SOX4: variants seen among roughly 807,000 people sequenced by gnomAD.
SOX4 encodes SRY-box transcription factor 4, also known as transcription factor SOX-4.
For synonymous variants in SOX4, 465 were observed against 348.4 expected (o/e 1.33, Z -3.73); for missense variants, 662 against 694.9 (o/e 0.95, Z 0.53).
chr6:21,596,680 A>C lies in SOX4; in HGVS notation c.*721A>C, dbSNP rs1763170657. 2.4e-5 allele frequency: 4 copies of C among 167,174 alleles called. No homozygotes were observed. 10.4% of individuals were successfully genotyped at this position (167,174 alleles called of 1,614,324 possible). A position where few individuals can be genotyped will look rare whatever the true frequency, so the allele number is the denominator to read the frequency against. ...GAGGAGATGTTGAGGGGAGGAGGCCAGCCAGTGTGACCGGCGCTAGGAAAT... is the reference window on the plus strand; with the variant it reads ...GAGGAGATGTTGAGGGGAGGAGGCCCGCCAGTGTGACCGGCGCTAGGAAAT... On this transcript the variant is annotated 3_prime_UTR_variant, in exon 1 of 1. Coordinates refer to ENST00000244745, the MANE Select transcript of SOX4 (RefSeq NM_003107.3).
At position 21,595,029 on chromosome 6, in the gene SOX4, CCATGGG is replaced by C. The variant is rs1423621193; in HGVS notation, c.496_501del (p.His166_Gly167del). 18 of 1,454,748 alleles carry C rather than the reference CCATGGG, an allele frequency of 1.2e-5. No homozygotes were observed. The highest frequency in any genetic ancestry group is 1.5e-5 in the Non-Finnish European group (17 of 1,100,804). The allele number at this position is 1,454,748 out of a possible 1,614,324, so 90.1% of individuals were successfully genotyped here. ...AGGTCGGTGGCAGTGGCGGGGGCGGCCATGGGGGCGGCGGCGGCGGCGGGAGCAGCA... is the reference window on the plus strand; with the variant it reads ...AGGTCGGTGGCAGTGGCGGGGGCGGCGGCGGCGGCGGCGGCGGGAGCAGCA... On this transcript the variant is annotated inframe_deletion, in exon 1 of 1. Coordinates refer to ENST00000244745, the MANE Select transcript of SOX4 (RefSeq NM_003107.3).
rs200088857 is a variant in SOX4 at position 21,595,990 on chromosome 6, G to T, written c.*31G>T. 91 of 1,471,052 alleles carry T rather than the reference G, an allele frequency of 6.2e-5. No homozygotes were observed. In the Middle Eastern group the frequency reaches 8.9e-4, roughly 14 times the overall value. 91.1% of individuals were successfully genotyped at this position (1,471,052 alleles called of 1,614,324 possible). A position where few individuals can be genotyped will look rare whatever the true frequency, so the allele number is the denominator to read the frequency against. ...GCGCAGGCAGGGAGAAGGGCCGGGGGGGGTAGGAGAGGAGAAAAAAAAAGT... is the reference window on the plus strand; with the variant it reads ...GCGCAGGCAGGGAGAAGGGCCGGGGTGGGTAGGAGAGGAGAAAAAAAAAGT... On this transcript the variant is annotated 3_prime_UTR_variant, in exon 1 of 1. Coordinates refer to ENST00000244745, the MANE Select transcript of SOX4 (RefSeq NM_003107.3).
rs200398064 is a variant in SOX4, at chr6:21,597,638, CTT to C, written c.*1682_*1683del. Reference sequence around the variant, plus strand: ...TATATTTAAATGTAGACTTTTGACACTTTTAAAAAACAAAAAAAGACAAGAGA... The same window carrying C: ...TATATTTAAATGTAGACTTTTGACACTTAAAAAACAAAAAAAGACAAGAGA... On this transcript the variant is annotated 3_prime_UTR_variant, in exon 1 of 1. Coordinates refer to ENST00000244745, the MANE Select transcript of SOX4 (RefSeq NM_003107.3). The C allele has an allele frequency of 0.016, 2,629 of 161,064 alleles. 33 individuals carry two copies. The highest frequency in any genetic ancestry group is 0.022 in the Non-Finnish European group (1,493 of 67,258). 10.0% of individuals were successfully genotyped at this position (161,064 alleles called of 1,614,324 possible).
rs1414376488 is a variant in SOX4, at chr6:21,596,987, AAAAG to A, written c.*1032_*1035del. 6 of 166,292 alleles carry A rather than the reference AAAAG, an allele frequency of 3.6e-5. No individual in the cohort carries two copies. Among genetic ancestry groups the A allele is most frequent in the Non-Finnish European group, 8.8e-5 (6 of 68,100 alleles). The allele number at this position is 166,292 out of a possible 1,614,324, so 10.3% of individuals were successfully genotyped here. A position where few individuals can be genotyped will look rare whatever the true frequency, so the allele number is the denominator to read the frequency against. ...AAAAAAAAAAAGAAAAAAAGAAAAA[AAAAG>A]AAAAAAAAAAGATTTTTTTCTTCTC... On this transcript the variant is annotated 3_prime_UTR_variant, in exon 1 of 1. Coordinates refer to ENST00000244745, the MANE Select transcript of SOX4 (RefSeq NM_003107.3).
chr6:21,593,838 GTC>G lies in SOX4; in HGVS notation c.-695_-694del, dbSNP rs1160724707. 2 of 152,202 alleles carry G rather than the reference GTC, an allele frequency of 1.3e-5. No individual in the cohort carries two copies. The highest frequency in any genetic ancestry group is 4.8e-5 in the African/African-American group (2 of 41,444). 9.4% of individuals were successfully genotyped at this position (152,202 alleles called of 1,614,324 possible). A position where few individuals can be genotyped will look rare whatever the true frequency, so the allele number is the denominator to read the frequency against. Reference sequence around the variant, plus strand: ...TCTAGTTCTTGCACGCTCTTTAAGAGTCTGCACTGGAGGAACTCCTGCCATTA... The same window carrying G: ...TCTAGTTCTTGCACGCTCTTTAAGAGTGCACTGGAGGAACTCCTGCCATTA... On this transcript the variant is annotated 5_prime_UTR_variant, in exon 1 of 1. Transcript: ENST00000244745.
In SOX4 at chr6:21,594,349, A is replaced by T; in HGVS notation, c.-186A>T. On this transcript the variant is annotated 5_prime_UTR_variant, in exon 1 of 1. Coordinates refer to ENST00000244745, the MANE Select transcript of SOX4 (RefSeq NM_003107.3). ...GAGAGGCGGAGAACTCCTTCCCCAA[A>T]TCTTTTGGGGACTTTTCTCTCTTTA... is the stretch of plus-strand genomic sequence containing the variant. 1 of 620,050 alleles carries T rather than the reference A, an allele frequency of 1.6e-6. No individual in the cohort carries two copies. Among genetic ancestry groups the T allele is most frequent in the Non-Finnish European group, 2.4e-6 (1 of 422,438 alleles). 38.4% of individuals were successfully genotyped at this position (620,050 alleles called of 1,614,324 possible).
At position 21,594,595 on chromosome 6, in the gene SOX4, G is replaced by A; in HGVS notation, c.61G>A (p.Asp21Asn). 4.4e-6 allele frequency: 7 copies of A among 1,609,084 alleles called. No homozygotes were observed. The highest frequency in any genetic ancestry group is 5.9e-6 in the Non-Finnish European group (7 of 1,178,768). Residue 21 changes from aspartate to asparagine, a missense_variant, in exon 1 of 1, where the codon GAC (aspartate) becomes AAC (asparagine). Asp to Asn is a conservative substitution (Grantham distance 23). Coordinates refer to ENST00000244745, the MANE Select transcript of SOX4 (RefSeq NM_003107.3). ...TEALLAGESSDSGAGLELGIA... is the reference protein window; with the variant it reads ...TEALLAGESSNSGAGLELGIA... Reference sequence around the variant, plus strand: ...AGCGCTGCTGGCCGGCGAGAGCTCGGACTCGGGCGCCGGCCTCGAGCTGGG... The same window carrying A: ...AGCGCTGCTGGCCGGCGAGAGCTCGAACTCGGGCGCCGGCCTCGAGCTGGG...
rs775237479 is a variant in SOX4 at position 21,595,418 on chromosome 6, G to A, written c.884G>A (p.Arg295His). ...GKHLAEKKVK[R>H]VYLFGGLGTS... ...CACCTGGCGGAGAAGAAGGTGAAGC[G>A]CGTCTACCTGTTCGGCGGCCTGGGC... Residue 295 changes from arginine (R) to histidine (H), a missense_variant, in exon 1 of 1, where the codon CGC (arginine) becomes CAC (histidine). Coordinates refer to ENST00000244745, the MANE Select transcript of SOX4 (RefSeq NM_003107.3). 1.5e-5 allele frequency: 23 copies of A among 1,527,466 alleles called. No individual in the cohort carries two copies. Among genetic ancestry groups the A allele is most frequent in the Non-Finnish European group, 1.0e-5 (12 of 1,145,206 alleles). The allele number at this position is 1,527,466 out of a possible 1,614,324, so 94.6% of individuals were successfully genotyped here. A position where few individuals can be genotyped will look rare whatever the true frequency, so the allele number is the denominator to read the frequency against.
chr6:21,595,473 C>T lies in SOX4; in HGVS notation c.939C>T (p.Gly313=), dbSNP rs748895232. 9.7e-6 allele frequency: 14 copies of T among 1,446,332 alleles called. No homozygotes were observed. The South Asian group carries it at 2.0e-4, about 20-fold the overall frequency. 89.6% of individuals were successfully genotyped at this position (1,446,332 alleles called of 1,614,324 possible). A position where few individuals can be genotyped will look rare whatever the true frequency, so the allele number is the denominator to read the frequency against. The change falls in exon 1 of 1, where the codon GGC becomes GGT. Residue 313 remains glycine, a synonymous_variant. Transcript: ENST00000244745. ...GTSSSPVGGV[G]AGADPSDPLG... ...CGTCGTCGCCCGTGGGCGGCGTGGG[C>T]GCGGGAGCCGACCCCAGCGACCCCC...
Position 21,595,985 on chromosome 6 carries a change from C to A in SOX4, c.*26C>A. ...AGGGCGCGCAGGCAGGGAGAAGGGC[C>A]GGGGGGGGTAGGAGAGGAGAAAAAA... On this transcript the variant is annotated 3_prime_UTR_variant, in exon 1 of 1. Coordinates refer to ENST00000244745, the MANE Select transcript of SOX4 (RefSeq NM_003107.3). 2.1e-6 allele frequency: 3 copies of A among 1,395,410 alleles called. No individual in the cohort carries two copies. Among genetic ancestry groups the A allele is most frequent in the South Asian group, 1.6e-5 (1 of 63,728 alleles). The allele number at this position is 1,395,410 out of a possible 1,614,324, so 86.4% of individuals were successfully genotyped here. A position where few individuals can be genotyped will look rare whatever the true frequency, so the allele number is the denominator to read the frequency against.
Position 21,595,076 on chromosome 6 carries a change from G to A in SOX4, c.542G>A (p.Gly181Asp), listed in dbSNP as rs1763107681. ...GGGSSNAGGGGGGASGGGANS... is the reference protein window; with the variant it reads ...GGGSSNAGGGDGGASGGGANS... ...GGGAGCAGCAACGCGGGGGGAGGAG[G>A]CGGCGGTGCGAGTGGCGGCGGCGCC... The change falls in exon 1 of 1, where the codon GGC becomes GAC. Residue 181 changes from glycine (G) to aspartate (D), a missense_variant. Transcript: ENST00000244745. 2 of 1,412,612 alleles carry A rather than the reference G, an allele frequency of 1.4e-6. No individual in the cohort carries two copies. Among genetic ancestry groups the A allele is most frequent in the Non-Finnish European group, 1.8e-6 (2 of 1,091,096 alleles). The allele number at this position is 1,412,612 out of a possible 1,614,324, so 87.5% of individuals were successfully genotyped here. A position where few individuals can be genotyped will look rare whatever the true frequency, so the allele number is the denominator to read the frequency against.
rs1763181161 is a variant in SOX4, at chr6:21,596,973, GAAAAAAAGA to G, written c.*1022_*1030del. 1 of 154,170 alleles carries G rather than the reference GAAAAAAAGA, an allele frequency of 6.5e-6. No individual in the cohort carries two copies. The highest frequency in any genetic ancestry group is 1.5e-5 in the Non-Finnish European group (1 of 64,582). 9.6% of individuals were successfully genotyped at this position (154,170 alleles called of 1,614,324 possible). On this transcript the variant is annotated 3_prime_UTR_variant, in exon 1 of 1. Coordinates refer to ENST00000244745, the MANE Select transcript of SOX4 (RefSeq NM_003107.3). The stretch of plus-strand genomic sequence containing the variant: ...GCGAGTGGTTTCGGAAAAAAAAAAA[GAAAAAAAGA>G]AAAAAAAAGAAAAAAAAAAGATTTT...
Position 21,595,086 on chromosome 6 carries a change from G to A in SOX4, c.552G>A (p.Ala184=). 1 of 1,406,456 alleles carries A rather than the reference G, an allele frequency of 7.1e-7. No individual in the cohort carries two copies. The highest frequency in any genetic ancestry group is 9.2e-7 in the Non-Finnish European group (1 of 1,088,860). 87.1% of individuals were successfully genotyped at this position (1,406,456 alleles called of 1,614,324 possible). A position where few individuals can be genotyped will look rare whatever the true frequency, so the allele number is the denominator to read the frequency against. The change falls in exon 1 of 1, where the codon GCG becomes GCA. Residue 184 remains alanine (A), a synonymous_variant. Coordinates refer to ENST00000244745, the MANE Select transcript of SOX4 (RefSeq NM_003107.3). ...ACGCGGGGGGAGGAGGCGGCGGTGC[G>A]AGTGGCGGCGGCGCCAACTCCAAAC... ...SSNAGGGGGG[A]SGGGANSKPA... is the part of the protein sequence containing the mutation.
Position 21,594,297 on chromosome 6 carries a change from C to T in SOX4, c.-238C>T. On this transcript the variant is annotated 5_prime_UTR_variant, in exon 1 of 1. Coordinates refer to ENST00000244745, the MANE Select transcript of SOX4 (RefSeq NM_003107.3). The stretch of plus-strand genomic sequence containing the variant: ...CGAGAGAGAGGGAGAGAGAGACTCT[C>T]CAGCCTGGGAACTATAACTCCTCTG... 2.4e-6 allele frequency: 1 copy of T among 416,904 alleles called. No homozygotes were observed. Among genetic ancestry groups the T allele is most frequent in the Non-Finnish European group, 4.1e-6 (1 of 245,488 alleles). 25.8% of individuals were successfully genotyped at this position (416,904 alleles called of 1,614,324 possible). A position where few individuals can be genotyped will look rare whatever the true frequency, so the allele number is the denominator to read the frequency against.
In SOX4 at chr6:21,595,674, C is replaced by T. The variant is rs200559418; in HGVS notation, c.1140C>T (p.Ser380=). The T allele has an allele frequency of 3.5e-5, 54 of 1,563,234 alleles. No homozygotes were observed. The highest frequency in any genetic ancestry group is 1.7e-4 in the Middle Eastern group (1 of 5,966). ...CCAGCGCGCCCTCGCACGCGTCCTC[C>T]TCGGCCTCGTCCCACTCCTCCTCTT... The part of the protein sequence containing the change: ...APSSAPSHAS[S]SASSHSSSSS... Residue 380 remains serine (S), a synonymous_variant, in exon 1 of 1, where the codon TCC becomes TCT. Coordinates refer to ENST00000244745, the MANE Select transcript of SOX4 (RefSeq NM_003107.3).
At position 21,595,526 on chromosome 6, in the gene SOX4, G is replaced by C. The variant is rs1455784863; in HGVS notation, c.992G>C (p.Gly331Ala). The C allele has an allele frequency of 8.1e-7, 1 of 1,239,972 alleles. No homozygotes were observed. The highest frequency in any genetic ancestry group is 1.6e-5 in the African/African-American group (1 of 63,990). 76.8% of individuals were successfully genotyped at this position (1,239,972 alleles called of 1,614,324 possible). A position where few individuals can be genotyped will look rare whatever the true frequency, so the allele number is the denominator to read the frequency against. ...GGCCTGTACGAGGAGGAGGGCGCGG[G>C]CTGCTCGCCCGACGCGCCCAGCCTG... Reference protein sequence around the residue: ...PLGLYEEEGAGCSPDAPSLSG... With the variant: ...PLGLYEEEGAACSPDAPSLSG... Residue 331 changes from glycine to alanine, a missense_variant, in exon 1 of 1, where the codon GGC becomes GCC. Gly to Ala is a moderately conservative substitution (Grantham distance 60, BLOSUM62 0). Coordinates refer to ENST00000244745, the MANE Select transcript of SOX4 (RefSeq NM_003107.3).
Position 21,594,045 on chromosome 6 carries a change from G to C in SOX4, c.-490G>C, listed in dbSNP as rs1438053097. 1 of 152,204 alleles carries C rather than the reference G, an allele frequency of 6.6e-6. No individual in the cohort carries two copies. Among genetic ancestry groups the C allele is most frequent in the Non-Finnish European group, 1.5e-5 (1 of 68,484 alleles). 9.4% of individuals were successfully genotyped at this position (152,204 alleles called of 1,614,324 possible). The stretch of plus-strand genomic sequence containing the variant: ...TTTTTGCTTTGCATTGTAGGAGAGG[G>C]ACTAAGTGCTAGAGACTATGTCGCT... On this transcript the variant is annotated 5_prime_UTR_variant, in exon 1 of 1. Coordinates refer to ENST00000244745, the MANE Select transcript of SOX4 (RefSeq NM_003107.3).
Position 21,595,842 on chromosome 6 carries a change from C to A in SOX4, c.1308C>A (p.Phe436Leu), listed in dbSNP as rs748365569. Residue 436 changes from phenylalanine (F) to leucine (L), a missense_variant, in exon 1 of 1, where the codon TTC (phenylalanine) becomes TTA (leucine). Transcript: ENST00000244745. The part of the protein sequence containing the change: ...SALDRDLDFN[F>L]EPGSGSHFEF... Reference sequence around the variant, plus strand: ...TCGACCGGGACCTGGATTTTAACTTCGAGCCCGGCTCCGGCTCGCACTTCG... The same window carrying A: ...TCGACCGGGACCTGGATTTTAACTTAGAGCCCGGCTCCGGCTCGCACTTCG... 1.4e-5 allele frequency: 22 copies of A among 1,612,590 alleles called. No individual in the cohort carries two copies. The highest frequency in any genetic ancestry group is 5.3e-5 in the African/African-American group (4 of 74,882).
chr6:21,595,519 G>A lies in SOX4; in HGVS notation c.985G>A (p.Gly329Ser), dbSNP rs1763123209. 7 of 1,251,346 alleles carry A rather than the reference G, an allele frequency of 5.6e-6. No homozygotes were observed. Among genetic ancestry groups the A allele is most frequent in the Non-Finnish European group, 7.0e-6 (7 of 996,278 alleles). The allele number at this position is 1,251,346 out of a possible 1,614,324, so 77.5% of individuals were successfully genotyped here. A position where few individuals can be genotyped will look rare whatever the true frequency, so the allele number is the denominator to read the frequency against. Residue 329 changes from glycine to serine, a missense_variant, in exon 1 of 1, where the codon GGC becomes AGC. Coordinates refer to ENST00000244745, the MANE Select transcript of SOX4 (RefSeq NM_003107.3). ...SDPLGLYEEE[G>S]AGCSPDAPSL... ...CCCCCTGGGCCTGTACGAGGAGGAGGGCGCGGGCTGCTCGCCCGACGCGCC... is the reference window on the plus strand; with the variant it reads ...CCCCCTGGGCCTGTACGAGGAGGAGAGCGCGGGCTGCTCGCCCGACGCGCC...
Sources: gnomAD v4.1 joint callset for allele counts on GRCh38, gnomAD v4.1.1 for gene constraint, MANE v1.5 for transcripts, NCBI Gene and HGNC (gene_info 2026-07-23, HGNC 2026-07-21) for gene names.